Variants in CDK13 observed in about 807,000 individuals in gnomAD.
The protein encoded by CDK13 is cyclin dependent kinase 13.
In CDK13, 40 loss-of-function variants were observed where a neutral mutation model predicts 137.6. The observed-to-expected ratio is 0.29, with a 90% CI of 0.23 to 0.38. CDK13 has a LOEUF of 0.38. CDK13 is among the 10% of genes least tolerant of loss of function. The pLI is 1.00. For missense variants in CDK13, 1,704 were observed against 1,951.8 expected (o/e 0.87, Z 2.39); for synonymous variants, 869 against 760.1 (o/e 1.14, Z -2.36).
intron 9 of CDK13, among the ~76,000 whole-genome samples, chr7:40,064,396 G>A (rs1410147880): frequency 6.6e-6 from 1 of 151,864 alleles, no homozygotes; most frequent in African/African-American, 2.4e-5. Flanking sequence ...AGTTTTTTAG[G>A]AAAGATATTG....
At chr7:40,039,273 G>C (rs1785552970) in intron 5 of CDK13, among the ~76,000 whole-genome samples, 1 of 149,940 alleles carries the variant, frequency 6.7e-6, no homozygotes, top group Non-Finnish European at 1.5e-5. Flanking sequence ...TATACAGATA[G>C]AGAGAGAGAG....
chr7:40,053,189 A>C (rs1785932386), intron 7 of CDK13, among the ~76,000 whole-genome samples: 1 of 151,360 alleles, frequency 6.6e-6, no homozygotes, highest in African/African-American at 2.4e-5. Context: ...CTGAATACTT[A>C]CAAAACTGAA....
intron 9 of CDK13, among the ~76,000 whole-genome samples, chr7:40,069,113 A>T (rs1786352348): frequency 6.6e-6 from 1 of 152,182 alleles, no homozygotes; most frequent in Non-Finnish European, 1.5e-5. Context: ...ACACACCTAT[A>T]GCCTGAGCTA....
At chr7:40,000,671 T>C (rs1278422378) in intron 4 of CDK13, among the ~76,000 whole-genome samples, 3 of 152,258 alleles carry the variant, frequency 2.0e-5, no homozygotes, top group Non-Finnish European at 2.9e-5. Context: ...TTTATAATGA[T>C]GTGTTATCAA....
chr7:40,055,051 G>A lies in CDK13; in HGVS notation c.2600+7174G>A, dbSNP rs554895758. Among the ~76,000 whole-genome samples, 9 of 152,114 alleles carry A rather than the reference G, an allele frequency of 5.9e-5. No homozygotes were observed. The South Asian group carries it at 1.9e-3, about 32-fold the overall frequency. On this transcript the variant is annotated intron_variant, in intron 7 of 13. Transcript: ENST00000181839. ...GAAATTGAAATGCACAATAGTTAAC[G>A]TTGAGACCATTATTTTTGGGTCTTT...
chr7:40,021,122 T>TACACACACACACACACACACACACACAC (rs1304409836), intron 5 of CDK13, among the ~76,000 whole-genome samples: 1 of 108,522 alleles, frequency 9.2e-6, no homozygotes, highest in African/African-American at 2.7e-5. Context: ...TATATATATA[T>TACACACACACACACACACACACACACAC]ACACACACAC....
Position 40,094,290 on chromosome 7 carries a change from T to G in CDK13, c.3849T>G (p.His1283Gln). 6.2e-7 allele frequency: 1 copy of G among 1,612,988 alleles called. No individual in the cohort carries two copies. Among genetic ancestry groups the G allele is most frequent in the East Asian group, 2.2e-5 (1 of 44,840 alleles). Residue 1283 changes from histidine to glutamine, a missense_variant, in exon 14 of 14, where the codon CAT becomes CAG. This residue lies in a region of CDK13 where 475 missense variants were observed against 579.3 expected (regional missense o/e 0.82). Transcript: ENST00000181839. ...EDLDYRTENQ[H>Q]VPTTSSSLTD... Reference sequence around the variant, plus strand: ...TAGATTATCGGACAGAAAACCAGCATGTACCCACCACCAGTTCTTCATTAA... The same window carrying G: ...TAGATTATCGGACAGAAAACCAGCAGGTACCCACCACCAGTTCTTCATTAA...
intron 11 of CDK13, among the ~76,000 whole-genome samples, chr7:40,082,214 C>T (rs1228038333): frequency 2.6e-5 from 4 of 151,968 alleles, no homozygotes; most frequent in African/African-American, 4.8e-5. Context: ...TTAGGCTGGG[C>T]GCAGTGGCTC....
chr7:40,045,247 A>G (rs1010309174), intron 5 of CDK13, among the ~76,000 whole-genome samples: 1 of 152,094 alleles, frequency 6.6e-6, no homozygotes, highest in Non-Finnish European at 1.5e-5. Context: ...TGTGTGTGCT[A>G]TGTGCTATTT....
At chr7:39,972,281 C>G (rs1380851403) in intron 1 of CDK13, among the ~76,000 whole-genome samples, 1 of 152,200 alleles carries the variant, frequency 6.6e-6, no homozygotes, top group Non-Finnish European at 1.5e-5. Flanking sequence ...CAAAACATTT[C>G]AGTTTTATGT....
rs1315610218 is a variant in CDK13, at chr7:40,094,699, A to C, written c.4258A>C (p.Ser1420Arg). The C allele has an allele frequency of 1.2e-6, 2 of 1,614,058 alleles. No individual in the cohort carries two copies. The highest frequency in any genetic ancestry group is 3.3e-5 in the Admixed American group (2 of 60,000). Residue 1420 changes from serine (S) to arginine (R), a missense_variant, in exon 14 of 14, where the codon AGT becomes CGT. By Grantham distance (110) the Ser-to-Arg change is moderately radical. Transcript: ENST00000181839. ...IYLNAGPMLFSGDKDHRFEYS... is the reference protein window; with the variant it reads ...IYLNAGPMLFRGDKDHRFEYS... ...CCTCAATGCTGGTCCCATGTTGTTTAGTGGAGACAAGGACCATAGATTTGA... is the reference window on the plus strand; with the variant it reads ...CCTCAATGCTGGTCCCATGTTGTTTCGTGGAGACAAGGACCATAGATTTGA...
chr7:40,059,910 C>T (rs990779823), intron 7 of CDK13, among the ~76,000 whole-genome samples: 7 of 152,096 alleles, frequency 4.6e-5, no homozygotes, highest in Admixed American at 1.3e-4. Context: ...TGTTTTGTCT[C>T]AGTATTTTGC....
intron 9 of CDK13, chr7:40,071,551 T>C (rs1305294694): frequency 6.6e-6 from 1 of 152,242 alleles, no homozygotes. Context: ...TTTTATAGTG[T>C]ACTATATTGA....
chr7:39,971,933 G>A (rs773387), intron 1 of CDK13, among the ~76,000 whole-genome samples: 151,262 of 152,342 alleles, frequency 0.99, 75,103 homozygotes, highest in East Asian at 1. Context: ...CACACGGTTA[G>A]AAAAATTCTG....
At chr7:39,979,195 A>AT (rs1247385672) in intron 1 of CDK13, among the ~76,000 whole-genome samples, 10 of 147,142 alleles carry the variant, frequency 6.8e-5, no homozygotes, top group African/African-American at 2.5e-4. Flanking sequence ...AGTAACGTAG[A>AT]TTTTTTTCTT....
chr7:40,014,161 C>T (rs890577379), intron 5 of CDK13, among the ~76,000 whole-genome samples: 3 of 148,778 alleles, frequency 2.0e-5, no homozygotes, highest in Non-Finnish European at 3.0e-5. Flanking sequence ...CTCCGACTCC[C>T]GGGTTCAAGC....
chr7:39,971,296 C>G (rs1783993411), intron 1 of CDK13, among the ~76,000 whole-genome samples: 1 of 150,662 alleles, frequency 6.6e-6, no homozygotes, highest in African/African-American at 2.4e-5. Context: ...GGCAGCAGAT[C>G]AACTGAGGCC....
At position 39,983,047 on chromosome 7, in the gene CDK13, T is replaced by C. The variant is rs182965446; in HGVS notation, c.1212-4552T>C. On this transcript the variant is annotated intron_variant, in intron 1 of 13. Coordinates refer to ENST00000181839, the MANE Select transcript of CDK13 (RefSeq NM_003718.5). The stretch of plus-strand genomic sequence containing the variant: ...TAGATCCCATTTGTCAATTTTGGCT[T>C]TTGTTGCCATTGCTTTTGGTGTTTT... Among the ~76,000 whole-genome samples the C allele has an allele frequency of 5.4e-3, 824 of 152,314 alleles. 36 individuals are homozygous for C. Among genetic ancestry groups the C allele is most frequent in the Non-Finnish European group, 7.8e-4 (53 of 68,030 alleles).
intron 5 of CDK13, among the ~76,000 whole-genome samples, chr7:40,043,803 G>A (rs1230584133): frequency 6.6e-6 from 1 of 151,226 alleles, no homozygotes; most frequent in Non-Finnish European, 1.5e-5. Flanking sequence ...ACTCCAGTCT[G>A]GGTGACAGAG....
Sources: gnomAD v4.1 joint callset for allele counts (sites outside exome capture counted in the v4.1 genomes callset) on GRCh38, gnomAD v4.1.1 for gene constraint, gnomAD v4.1.1 regional missense constraint, MANE v1.5 for transcripts, NCBI Gene and HGNC (gene_info 2026-07-23, HGNC 2026-07-21) for gene names.